Variants in EPX observed in about 807,000 individuals in gnomAD.
The protein encoded by EPX is eosinophil peroxidase.
EPX carries 60 observed loss-of-function variants against 73.0 expected under a neutral mutation model. The ratio of observed to expected loss-of-function variants is 0.82; its 90% CI spans 0.67 to 1.02. The LOEUF (loss-of-function observed/expected upper bound fraction) is 1.02, where lower values mean the gene tolerates loss of function less well. EPX is among the 50% of genes least tolerant of loss of function. The pLI is 0.00. For synonymous variants in EPX, 347 were observed against 389.2 expected (o/e 0.89, Z 1.28); for missense variants, 950 against 973.9 (o/e 0.98, Z 0.33).
chr17:58,195,074 G>C lies in EPX; in HGVS notation c.705G>C (p.Leu235=), dbSNP rs766029400. ...GGGGCCAGTTCATTGACCATGACCTGGACTTCTCCCCGGAGTCCCCGGCCA... is the reference window on the plus strand; with the variant it reads ...GGGGCCAGTTCATTGACCATGACCTCGACTTCTCCCCGGAGTCCCCGGCCA... ...MQWGQFIDHD[L]DFSPESPARV... Residue 235 remains leucine (L), a synonymous_variant, in exon 6 of 13, where the codon CTG becomes CTC. Transcript: ENST00000225371. 2.5e-6 allele frequency: 4 copies of C among 1,614,112 alleles called. No individual in the cohort carries two copies. Among genetic ancestry groups the C allele is most frequent in the Non-Finnish European group, 3.4e-6 (4 of 1,179,948 alleles).
chr17:58,202,856 C>T (rs1597969442), intron 10 of EPX: 2 of 578,352 alleles, frequency 3.5e-6, no homozygotes, highest in East Asian at 2.9e-5. Context: ...GGTTAGGACA[C>T]ACTCCTCAGT....
chr17:58,193,254 C>T (rs1036311033), intron 2 of EPX, 117 bp from the exon 3 acceptor site: 7 of 1,251,064 alleles, frequency 5.6e-6, no homozygotes, highest in East Asian at 2.3e-5. Flanking sequence ...TTGGTAGAGC[C>T]TCCCTTCCAT....
At chr17:58,193,894 C>A (rs1010286989) in intron 4 of EPX, 63 bp downstream of exon 4, 40 of 1,607,238 alleles carry the variant, frequency 2.5e-5, no homozygotes, top group Non-Finnish European at 3.3e-5. Flanking sequence ...CCTGCACCCA[C>A]CCTCTCCCTC....
intron 11 of EPX, among the ~76,000 whole-genome samples, chr17:58,203,735 A>T (rs1968378084): frequency 6.6e-6 from 1 of 151,718 alleles, no homozygotes; most frequent in South Asian, 2.1e-4. Context: ...GATCGAGACC[A>T]TCCCGGCTAA....
rs770078560 is a variant in EPX at position 58,195,086 on chromosome 17, G to A, written c.717G>A (p.Pro239=). Residue 239 remains proline, a synonymous_variant, in exon 6 of 13, where the codon CCG becomes CCA. Transcript: ENST00000225371. ...TTGACCATGACCTGGACTTCTCCCC[G>A]GAGTCCCCGGCCAGAGTGGCCTTCA... The part of the protein sequence containing the change: ...QFIDHDLDFS[P]ESPARVAFTA... 1.2e-5 allele frequency: 20 copies of A among 1,613,974 alleles called. No homozygotes were observed. Among genetic ancestry groups the A allele is most frequent in the East Asian group, 8.9e-5 (4 of 44,904 alleles).
At position 58,204,311 on chromosome 17, in the gene EPX, C is replaced by T; in HGVS notation, c.2036C>T (p.Thr679Ile). The T allele has an allele frequency of 6.2e-7, 1 of 1,613,390 alleles. No homozygotes were observed. Among genetic ancestry groups the T allele is most frequent in the Non-Finnish European group, 8.5e-7 (1 of 1,179,338 alleles). ...ISLSRIICDN[T>I]GITTVSRDIF... ...TTGTCTCGAATTATATGTGACAATACCGGTATCACCACGGTTTCAAGGGAC... is the reference window on the plus strand; with the variant it reads ...TTGTCTCGAATTATATGTGACAATATCGGTATCACCACGGTTTCAAGGGAC... Residue 679 changes from threonine to isoleucine, a missense_variant, in exon 12 of 13, where the codon ACC (threonine) becomes ATC (isoleucine). Coordinates refer to ENST00000225371, the MANE Select transcript of EPX (RefSeq NM_000502.6).
chr17:58,204,122 T>C, intron 11 of EPX, 100 bp from the exon 12 acceptor site: 1 of 849,492 alleles, frequency 1.2e-6, no homozygotes, highest in South Asian at 1.4e-5. Flanking sequence ...TTGTGAGAAT[T>C]GAATGGAATA....
chr17:58,196,952 AC>A lies in EPX; in HGVS notation c.820del (p.Arg274AlafsTer129). On this transcript the variant is annotated frameshift_variant, in exon 7 of 13. Transcript: ENST00000225371. LOFTEE classifies it high-confidence loss of function. ...PCFPIKIPPN[D>X]PRIKNQRDCI... ...CTTCCATCTCAGATCCCACCCAATG[AC>A]CCCCGCATCAAGAACCAGCGTGACT... is the stretch of plus-strand genomic sequence containing the variant. 1 of 1,612,790 alleles carries A rather than the reference AC, an allele frequency of 6.2e-7. No homozygotes were observed. Among genetic ancestry groups the A allele is most frequent in the Non-Finnish European group, 8.5e-7 (1 of 1,179,620 alleles).
chr17:58,200,911 A>C (rs1195497732), intron 10 of EPX, among the ~76,000 whole-genome samples: 1 of 152,182 alleles, frequency 6.6e-6, no homozygotes, highest in African/African-American at 2.4e-5. Context: ...AAATATAGGC[A>C]CTTTGTTAGT....
chr17:58,193,969 A>C lies in EPX; in HGVS notation c.471A>C (p.Arg157Ser), dbSNP rs772751329. Reference protein sequence around the residue: ...TITGRCNNKRRPLLGASNQAL... With the variant: ...TITGRCNNKRSPLLGASNQAL... ...ATCCCACCCATGGCTGCAGGAGGAG[A>C]CCCTTGCTAGGGGCCTCCAACCAGG... The change falls in exon 5 of 13, where the codon AGA (arginine) becomes AGC (serine). Residue 157 changes from arginine to serine, a missense_variant. By Grantham distance (110) the Arg-to-Ser change is moderately radical. Transcript: ENST00000225371. 25 of 1,612,322 alleles carry C rather than the reference A, an allele frequency of 1.6e-5. No individual in the cohort carries two copies. The highest frequency in any genetic ancestry group is 2.1e-5 in the Non-Finnish European group (25 of 1,179,894).
Position 58,192,991 on chromosome 17 carries a change from G to A in EPX, c.77-47G>A, listed in dbSNP as rs751680842. 7 of 1,592,512 alleles carry A rather than the reference G, an allele frequency of 4.4e-6. No homozygotes were observed. In the South Asian group the frequency reaches 7.7e-5, roughly 18 times the overall value. ...AAGGGGAAGCACTTGGGTCTTGGAG[G>A]GGGTCTTGTGGCTTGCTGAACCCTG... On this transcript the variant is annotated intron_variant, in intron 1 of 12. Coordinates refer to ENST00000225371, the MANE Select transcript of EPX (RefSeq NM_000502.6).
rs185081226 is a variant in EPX, at chr17:58,192,793, C to T, written c.-54C>T. On this transcript the variant is annotated 5_prime_UTR_variant, in exon 1 of 13. Coordinates refer to ENST00000225371, the MANE Select transcript of EPX (RefSeq NM_000502.6). ...GTGAGAGGGGAGCAGAGGATCCTCC[C>T]GTGCAGGCTGTGGATGTCACTCACT... 4.4e-5 allele frequency: 65 copies of T among 1,474,970 alleles called. No individual in the cohort carries two copies. In the East Asian group the frequency reaches 8.0e-4, roughly 18 times the overall value. The allele number at this position is 1,474,970 out of a possible 1,614,324, so 91.4% of individuals were successfully genotyped here. A position where few individuals can be genotyped will look rare whatever the true frequency, so the allele number is the denominator to read the frequency against.
In EPX at chr17:58,193,829, C is replaced by T. The variant is rs759372424; in HGVS notation, c.462C>T (p.Asn154=). ...KYRTITGRCN[N]KRRPLLGASN... ...GCACCATCACTGGACGGTGCAACAACAAGTGCGTGCGGGGCGGCAGGAGGG... is the reference window on the plus strand; with the variant it reads ...GCACCATCACTGGACGGTGCAACAATAAGTGCGTGCGGGGCGGCAGGAGGG... The change falls in exon 4 of 13, where the codon AAC becomes AAT. Residue 154 remains asparagine (N), a splice_region_variant and synonymous_variant. Coordinates refer to ENST00000225371, the MANE Select transcript of EPX (RefSeq NM_000502.6). 1.2e-6 allele frequency: 2 copies of T among 1,610,892 alleles called. No homozygotes were observed. Among genetic ancestry groups the T allele is most frequent in the South Asian group, 1.1e-5 (1 of 91,016 alleles).
At chr17:58,202,222 T>C (rs1187120905) in intron 10 of EPX, 5 of 152,330 alleles carry the variant, frequency 3.3e-5, no homozygotes, top group Admixed American at 1.3e-4. Context: ...GTGTGAGCTG[T>C]AGTTCAATGG....
chr17:58,202,177 G>A (rs753794253), intron 10 of EPX, among the ~76,000 whole-genome samples: 2 of 152,206 alleles, frequency 1.3e-5, no homozygotes, highest in Non-Finnish European at 2.9e-5. Context: ...GTAAAATACT[G>A]TGTGGTTTTC....
chr17:58,193,264 TC>T, intron 2 of EPX, 106 bp from the exon 3 acceptor site: 1 of 1,288,040 alleles, frequency 7.8e-7, no homozygotes, highest in Non-Finnish European at 1.1e-6. Context: ...CTCCCTTCCA[TC>T]CATCCTTCTG....
intron 9 of EPX, 102 bp from the exon 10 acceptor site, chr17:58,200,123 G>T: frequency 2.7e-6 from 3 of 1,129,378 alleles, no homozygotes; most frequent in South Asian, 2.5e-5. Context: ...TAACATACCC[G>T]ACTGGCTTGT....
chr17:58,196,322 G>T (rs1968256052), intron 6 of EPX, among the ~76,000 whole-genome samples: 1 of 152,116 alleles, frequency 6.6e-6, no homozygotes, highest in Admixed American at 6.5e-5. Context: ...TGACAAGGCT[G>T]ATCTCAAACT....
chr17:58,198,578 C>T (rs1250325899), intron 7 of EPX, among the ~76,000 whole-genome samples: 1 of 152,178 alleles, frequency 6.6e-6, no homozygotes, highest in African/African-American at 2.4e-5. Flanking sequence ...CTCTTTCCCT[C>T]TGGTTCACGG....
Sources: gnomAD v4.1 joint callset for allele counts (sites outside exome capture counted in the v4.1 genomes callset) on GRCh38, gnomAD v4.1.1 for gene constraint, MANE v1.5 for transcripts, NCBI Gene and HGNC (gene_info 2026-07-23, HGNC 2026-07-21) for gene names.